The following REV3L variants were observed in gnomAD, a reference collection of about 807,000 sequenced individuals.
REV3L encodes REV3 like, DNA directed polymerase zeta catalytic subunit, also known as DNA polymerase zeta catalytic subunit.
A neutral mutation model predicts 299.4 loss-of-function variants in REV3L; 69 were observed. The observed-to-expected ratio is 0.23, with a 90% CI of 0.19 to 0.28. The LOEUF (loss-of-function observed/expected upper bound fraction) is 0.28, where lower values mean the gene tolerates loss of function less well. Ranked by LOEUF, REV3L falls within the 10% of genes least tolerant of loss-of-function variation. REV3L has a pLI of 1.00. For missense variants in REV3L, 3,128 were observed against 3,693.8 expected (o/e 0.85, Z 3.97); for synonymous variants, 1,238 against 1,271.4 (o/e 0.97, Z 0.56).
chr6:111,407,592 A>C (rs1783780453), intron 3 of REV3L, among the ~76,000 whole-genome samples: 1 of 152,148 alleles, frequency 6.6e-6, no homozygotes, highest in African/African-American at 2.4e-5. Flanking sequence ...AGTGAAAGCA[A>C]TTTTCAGTAA....
intron 1 of REV3L, among the ~76,000 whole-genome samples, chr6:111,467,157 T>G (rs764647685): frequency 1.4e-4 from 21 of 152,230 alleles, no homozygotes; most frequent in Admixed American, 2.6e-4. Context: ...AACTTTAAAA[T>G]GTTTAAAATT....
chr6:111,417,017 A>G (rs748173867), intron 1 of REV3L, among the ~76,000 whole-genome samples: 5 of 152,008 alleles, frequency 3.3e-5, no homozygotes, highest in Non-Finnish European at 5.9e-5. Context: ...AAAGGAAAAA[A>G]AAAAAGACAA....
chr6:111,299,905 T>C lies in REV3L; in HGVS notation c.*111A>G, dbSNP rs1771287610. On this transcript the variant is annotated 3_prime_UTR_variant, in exon 32 of 32. Transcript: ENST00000368802. ...CATAGAAGTCTTCATAGTCTTCAGA[T>C]AACAGACAGTGAACATCCTTGACTC... 5.7e-6 allele frequency: 6 copies of C among 1,047,884 alleles called. No individual in the cohort carries two copies. The highest frequency in any genetic ancestry group is 8.2e-6 in the Non-Finnish European group (6 of 731,758). The allele number at this position is 1,047,884 out of a possible 1,614,324, so 64.9% of individuals were successfully genotyped here.
At chr6:111,473,226 ATT>A (rs1436390885) in intron 1 of REV3L, among the ~76,000 whole-genome samples, 2 of 42,036 alleles carry the variant, frequency 4.8e-5, no homozygotes, top group Non-Finnish European at 3.8e-5. Context: ...TTTCACTTAG[ATT>A]TTTTTTTTTT....
rs188966857 is a variant in REV3L at position 111,351,839 on chromosome 6, C to T, written c.7185-48G>A. The T allele has an allele frequency of 2.7e-4, 338 of 1,230,996 alleles. 1 individual carries two copies. In the African/African-American group the frequency reaches 4.3e-3, roughly 16 times the overall value. 76.3% of individuals were successfully genotyped at this position (1,230,996 alleles called of 1,614,324 possible). A position where few individuals can be genotyped will look rare whatever the true frequency, so the allele number is the denominator to read the frequency against. On this transcript the variant is annotated intron_variant, in intron 18 of 31. Transcript: ENST00000368802. ...TTATATAAGTACCATACATTTGAAC[C>T]TTTAACCAGAATAATTGTTTCTTCA...
rs17510845 is a variant in REV3L, at chr6:111,376,924, ATAGT to A, written c.1598-171_1598-168del. ...TTATCATTAATGACTCAATCTAAAT[ATAGT>A]TAGTTACAATTATTAGTCATCATTT... On this transcript the variant is annotated intron_variant, in intron 12 of 31. Coordinates refer to ENST00000368802, the MANE Select transcript of REV3L (RefSeq NM_001372078.1). Among the ~76,000 whole-genome samples, 1,055 of 152,336 alleles carry A rather than the reference ATAGT, an allele frequency of 6.9e-3. 12 individuals carry two copies. Among genetic ancestry groups the A allele is most frequent in the African/African-American group, 0.024 (1,004 of 41,568 alleles).
At chr6:111,358,283 G>A (rs1778300644) in intron 17 of REV3L, among the ~76,000 whole-genome samples, 1 of 152,082 alleles carries the variant, frequency 6.6e-6, no homozygotes, top group Non-Finnish European at 1.5e-5. Context: ...CCCTCTATCA[G>A]CAGGAAAATA....
In REV3L at chr6:111,351,796, A is replaced by G; in HGVS notation, c.7185-5T>C. 6.3e-7 allele frequency: 1 copy of G among 1,588,428 alleles called. No individual in the cohort carries two copies. Among genetic ancestry groups the G allele is most frequent in the Non-Finnish European group, 8.6e-7 (1 of 1,159,204 alleles). ...AGCAGAATATCAGGATCATACCTAA[A>G]AAAGGAATTTAAAAAAGTTATATAA... On this transcript the variant is annotated splice_polypyrimidine_tract_variant and splice_region_variant and intron_variant, in intron 18 of 31. Transcript: ENST00000368802.
chr6:111,390,241 T>C, intron 5 of REV3L, 61 bp from the exon 6 acceptor site: 1 of 1,020,758 alleles, frequency 9.8e-7, no homozygotes, highest in Non-Finnish European at 1.5e-6. Flanking sequence ...CTAACATTTT[T>C]CTTACTTATA....
intron 31 of REV3L, among the ~76,000 whole-genome samples, chr6:111,304,413 G>T (rs1158482294): frequency 6.8e-6 from 1 of 147,936 alleles, no homozygotes; most frequent in African/African-American, 2.5e-5. Context: ...GATTGGTCTT[G>T]GATTGAGAAT....
intron 1 of REV3L, among the ~76,000 whole-genome samples, chr6:111,461,062 T>G (rs1790712954): frequency 6.6e-6 from 1 of 152,148 alleles, no homozygotes; most frequent in South Asian, 2.1e-4. Context: ...ATTATATACT[T>G]TATCATTATT....
chr6:111,449,259 T>C (rs1789223555), intron 1 of REV3L, among the ~76,000 whole-genome samples: 1 of 152,170 alleles, frequency 6.6e-6, no homozygotes, highest in Admixed American at 6.5e-5. Context: ...CCTTCTTCAA[T>C]AGCTCCCCAC....
chr6:111,470,168 T>C (rs1426560619), intron 1 of REV3L, among the ~76,000 whole-genome samples: 1 of 139,284 alleles, frequency 7.2e-6, no homozygotes, highest in Non-Finnish European at 1.5e-5. Context: ...CAGGGTTTAC[T>C]ATCTCTCACA....
intron 3 of REV3L, among the ~76,000 whole-genome samples, chr6:111,407,454 A>C (rs1298349287): frequency 6.6e-6 from 1 of 152,234 alleles, no homozygotes; most frequent in Admixed American, 6.5e-5. Context: ...TCACACTGGA[A>C]TGAGAAAAAC....
chr6:111,432,247 C>T (rs6568678), intron 1 of REV3L, among the ~76,000 whole-genome samples: 152,354 of 152,374 alleles, frequency 1, 76,167 homozygotes, highest in Middle Eastern at 1. Flanking sequence ...ATTCTCTAAT[C>T]ACAAGGCAGA....
At chr6:111,440,360 C>T (rs61168874) in intron 1 of REV3L, among the ~76,000 whole-genome samples, 5,607 of 152,304 alleles carry the variant, frequency 0.037, 357 homozygotes, top group African/African-American at 0.13. Context: ...TGAGCCACCA[C>T]GCCGAGTCCC....
chr6:111,355,363 CT>C (rs1777985155), intron 18 of REV3L, among the ~76,000 whole-genome samples: 1 of 152,094 alleles, frequency 6.6e-6, no homozygotes. Flanking sequence ...AGTTAAGCAA[CT>C]TATTCAAGAC....
In REV3L at chr6:111,375,665, C is replaced by A; in HGVS notation, c.2690G>T (p.Cys897Phe). 1 of 1,613,962 alleles carries A rather than the reference C, an allele frequency of 6.2e-7. No individual in the cohort carries two copies. The highest frequency in any genetic ancestry group is 1.1e-5 in the South Asian group (1 of 91,070). ...TTCTAACGTTCCATCTCCAAAGTGA[C>A]AGTCTATAAAACCATCTGTGGGTGT... ...NKTPTDGFID[C>F]HFGDGTLETE... is the part of the protein sequence containing the mutation. Residue 897 changes from cysteine (C) to phenylalanine (F), a missense_variant, in exon 13 of 32, where the codon TGT (cysteine) becomes TTT (phenylalanine). By Grantham distance (205) the Cys-to-Phe change is radical. Transcript: ENST00000368802.
chr6:111,307,212 T>C, intron 31 of REV3L, 149 bp downstream of exon 31: 1 of 662,810 alleles, frequency 1.5e-6, no homozygotes, highest in Non-Finnish European at 2.6e-6. Flanking sequence ...GTTTATGATA[T>C]TTTTGAGATT....
Sources: allele counts gnomAD v4.1 joint callset (sites outside exome capture counted in the v4.1 genomes callset), GRCh38; gene constraint gnomAD v4.1.1; transcripts MANE v1.5; gene names NCBI Gene and HGNC (gene_info 2026-07-23, HGNC 2026-07-21).